The following GRM7 variants were observed in gnomAD, a reference collection of about 807,000 sequenced individuals.
GRM7 encodes glutamate metabotropic receptor 7.
GRM7 carries 35 observed loss-of-function variants against 84.5 expected under a neutral mutation model. The observed-to-expected ratio is 0.41, with a 90% confidence interval of 0.32 to 0.55. GRM7 has a LOEUF of 0.55. Among genes scored for constraint, GRM7 ranks in the 20% least tolerant of loss-of-function variants. The pLI is 0.19. For synonymous variants in GRM7, 487 were observed against 455.1 expected (o/e 1.07, Z -0.89); for missense variants, 1,003 against 1,194.6 (o/e 0.84, Z 2.36).
intron 1 of GRM7, among the ~76,000 whole-genome samples, chr3:7,031,904 C>G (rs1406261267): frequency 6.6e-6 from 1 of 151,882 alleles, no homozygotes; most frequent in Non-Finnish European, 1.5e-5. Flanking sequence ...AGTGACTTGG[C>G]CAAGAAAAAT....
intron 2 of GRM7, among the ~76,000 whole-genome samples, chr3:7,218,769 C>A (rs1014365963): frequency 6.6e-6 from 1 of 151,854 alleles, no homozygotes; most frequent in South Asian, 2.1e-4. Context: ...AATTTATTAG[C>A]TTTATTTTAA....
chr3:7,574,722 G>C (rs1029956573), intron 7 of GRM7, among the ~76,000 whole-genome samples: 1 of 152,190 alleles, frequency 6.6e-6, no homozygotes, highest in Non-Finnish European at 1.5e-5. Flanking sequence ...TTTCAGATAA[G>C]AACCTCAGAT....
chr3:6,998,537 G>A (rs1004319486), intron 1 of GRM7, among the ~76,000 whole-genome samples: 1 of 152,246 alleles, frequency 6.6e-6, no homozygotes, highest in African/African-American at 2.4e-5. Context: ...GGGACTGAGT[G>A]TGGGGGCTCC....
chr3:6,987,819 T>G (rs1312391515), intron 1 of GRM7, among the ~76,000 whole-genome samples: 1 of 152,142 alleles, frequency 6.6e-6, no homozygotes, highest in Non-Finnish European at 1.5e-5. Flanking sequence ...AAGGTGGTTC[T>G]GGACCTAGCC....
At chr3:7,353,055 G>A (rs1473313617) in intron 4 of GRM7, among the ~76,000 whole-genome samples, 4 of 152,046 alleles carry the variant, frequency 2.6e-5, no homozygotes, top group Non-Finnish European at 5.9e-5. Context: ...CACATACTTA[G>A]CAGCTTTTGG....
At chr3:7,333,974 G>A (rs895961514) in intron 4 of GRM7, among the ~76,000 whole-genome samples, 2 of 151,860 alleles carry the variant, frequency 1.3e-5, no homozygotes, top group Non-Finnish European at 2.9e-5. Flanking sequence ...TATGTTAAAT[G>A]ACCAAACATA....
chr3:7,575,768 C>A (rs750610350), intron 7 of GRM7, among the ~76,000 whole-genome samples: 26 of 152,022 alleles, frequency 1.7e-4, no homozygotes, highest in Admixed American at 9.2e-4. Flanking sequence ...TGAGTTGAAA[C>A]CTGCTTTAAA....
intron 5 of GRM7, among the ~76,000 whole-genome samples, chr3:7,438,888 G>A (rs149072556): frequency 4.1e-4 from 62 of 152,238 alleles, no homozygotes; most frequent in Admixed American, 2.9e-3. Flanking sequence ...ATCGGGGGTG[G>A]AAGGGGCAAG....
intron 2 of GRM7, among the ~76,000 whole-genome samples, chr3:7,157,008 A>T (rs115170521): frequency 5.7e-4 from 87 of 152,256 alleles, no homozygotes; most frequent in African/African-American, 1.9e-3. Context: ...TGCAAAAAAT[A>T]CTGAGGAAGA....
rs1487645873 is a variant in GRM7 at position 7,424,467 on chromosome 3, A to G, written c.1174+9304A>G. Among the ~76,000 whole-genome samples, 3 of 152,274 alleles carry G rather than the reference A, an allele frequency of 2.0e-5. 1 individual carries two copies. The highest frequency in any genetic ancestry group is 2.0e-4 in the Admixed American group (3 of 15,288). On this transcript the variant is annotated intron_variant, in intron 5 of 9. Transcript: ENST00000357716. ...AACTTGTATGTGTTTACGTTATTCTAGTTGATCCCCATATCAGCCTTGTGA... is the reference window on the plus strand; with the variant it reads ...AACTTGTATGTGTTTACGTTATTCTGGTTGATCCCCATATCAGCCTTGTGA...
intron 4 of GRM7, among the ~76,000 whole-genome samples, chr3:7,320,320 G>T (rs1475744342): frequency 2.0e-5 from 3 of 151,942 alleles, no homozygotes; most frequent in Non-Finnish European, 2.9e-5. Flanking sequence ...CAAGCCTTTA[G>T]CGATGAAAAC....
chr3:6,910,382 C>T (rs957529915), intron 1 of GRM7, among the ~76,000 whole-genome samples: 2 of 152,148 alleles, frequency 1.3e-5, no homozygotes, highest in Non-Finnish European at 2.9e-5. Context: ...AGATCACCTT[C>T]AAGTAGTCAA....
At chr3:7,144,588 A>G (rs935594012) in intron 1 of GRM7, among the ~76,000 whole-genome samples, 1 of 152,160 alleles carries the variant, frequency 6.6e-6, no homozygotes, top group Non-Finnish European at 1.5e-5. Flanking sequence ...ATTTTCGATG[A>G]TTATTACTCC....
chr3:7,492,534 T>A (rs962470084), intron 7 of GRM7, among the ~76,000 whole-genome samples: 3 of 152,162 alleles, frequency 2.0e-5, no homozygotes, highest in Non-Finnish European at 4.4e-5. Flanking sequence ...TATCTTTTAA[T>A]GACCGCTGAA....
chr3:7,327,261 A>G (rs964626816), intron 4 of GRM7, among the ~76,000 whole-genome samples: 1 of 152,180 alleles, frequency 6.6e-6, no homozygotes, highest in Non-Finnish European at 1.5e-5. Context: ...CTCCAAGTGA[A>G]TATTCATGAA....
Position 7,360,124 on chromosome 3 carries a change from C to CT in GRM7, c.1033+53480dup, listed in dbSNP as rs1255237521. 4.6e-5 allele frequency among the ~76,000 whole-genome samples: 6 copies of CT among 131,114 alleles called. 1 individual carries two copies. The highest frequency in any genetic ancestry group is 1.8e-4 in the African/African-American group (6 of 32,536). 86.0% of individuals were successfully genotyped at this position (131,114 alleles called of 152,430 possible). ...CATAAGGGTATCTCTTTCTCCCCCC[C>CT]TTTTTTTTCCCTCTGTGTGTGTGTG... On this transcript the variant is annotated intron_variant, in intron 4 of 9. Coordinates refer to ENST00000357716, the MANE Select transcript of GRM7 (RefSeq NM_000844.4).
At chr3:7,568,585 G>T (rs544964540) in intron 7 of GRM7, among the ~76,000 whole-genome samples, 2 of 152,352 alleles carry the variant, frequency 1.3e-5, no homozygotes, top group South Asian at 4.1e-4. Flanking sequence ...TTAGCTTGCA[G>T]GGAGGTGTGG....
At chr3:7,083,451 CTCGCT>C (rs1698337805) in intron 1 of GRM7, among the ~76,000 whole-genome samples, 1 of 152,146 alleles carries the variant, frequency 6.6e-6, no homozygotes, top group Admixed American at 6.6e-5. Context: ...CCTCATGTGA[CTCGCT>C]TTACTGTGGT....
chr3:7,449,359 G>A (rs1432531397), intron 5 of GRM7, among the ~76,000 whole-genome samples: 1 of 152,052 alleles, frequency 6.6e-6, no homozygotes, highest in East Asian at 1.9e-4. Flanking sequence ...GATACAGATA[G>A]GAAGATTCAA....
Sources: allele counts gnomAD v4.1 joint callset (sites outside exome capture counted in the v4.1 genomes callset), GRCh38; gene constraint gnomAD v4.1.1; transcripts MANE v1.5; gene names NCBI Gene and HGNC (gene_info 2026-07-23, HGNC 2026-07-21).